The following ANXA6 variants were observed in gnomAD, a reference collection of about 807,000 sequenced individuals.
ANXA6 encodes the protein 67 kDa calelectrin.
In ANXA6, 71 loss-of-function variants were observed where a neutral mutation model predicts 95.4. That is an observed-to-expected ratio of 0.74 (90% CI 0.61 to 0.91). ANXA6 has a LOEUF of 0.91. Ranked by LOEUF, ANXA6 falls within the 40% of genes least tolerant of loss-of-function variation. The probability of loss-of-function intolerance (pLI) is 0.00; values close to 1 mark genes in which losing one functional copy is unlikely to be tolerated. For synonymous variants in ANXA6, 289 were observed against 315.9 expected, an observed-to-expected ratio of 0.91 and a Z score of 0.90; for missense variants, 830 against 876.4, an observed-to-expected ratio of 0.95 and a Z score of 0.67.
At chr5:151,112,385 T>C (rs891653122) in intron 20 of ANXA6, among the ~76,000 whole-genome samples, 2 of 152,216 alleles carry the variant, frequency 1.3e-5, no homozygotes, top group South Asian at 4.1e-4. Context: ...AGAGGGACTA[T>C]GAGGGAAAGC....
intron 2 of ANXA6, among the ~76,000 whole-genome samples, chr5:151,144,265 G>A (rs884084): frequency 2.4e-4 from 37 of 152,248 alleles, no homozygotes; most frequent in African/African-American, 6.3e-4. Context: ...TCTTTACTAC[G>A]TTGAGCCATG....
At chr5:151,124,502 G>A in intron 14 of ANXA6, 135 bp from the exon 15 acceptor site, 1 of 721,514 alleles carries the variant, frequency 1.4e-6, no homozygotes, top group Non-Finnish European at 2.4e-6. Context: ...AGAGGCAGAG[G>A]TGAAGCCACA....
rs779452192 is a variant in ANXA6 at position 151,140,246 on chromosome 5, G to A, written c.19-3C>T. The A allele has an allele frequency of 8.7e-6, 14 of 1,613,598 alleles. No individual in the cohort carries two copies. The highest frequency in any genetic ancestry group is 1.2e-5 in the Non-Finnish European group (14 of 1,179,724). On this transcript the variant is annotated splice_polypyrimidine_tract_variant and splice_region_variant and intron_variant, in intron 2 of 25. Transcript: ENST00000354546. ...ATGGAGCCCCGGTACTTGGCACCCT[G>A]TGGAGAAAAAAGTAGAGGGTGAGCT...
intron 1 of ANXA6, chr5:151,155,302 G>A (rs908120671): frequency 2.0e-5 from 3 of 152,108 alleles, no homozygotes; most frequent in Non-Finnish European, 4.4e-5. Flanking sequence ...GGAACTTGAG[G>A]CTCAGGTCGC....
chr5:151,117,843 G>A lies in ANXA6; in HGVS notation c.1439-6C>T. On this transcript the variant is annotated splice_polypyrimidine_tract_variant and splice_region_variant and intron_variant, in intron 18 of 25. Transcript: ENST00000354546. Reference sequence around the variant, plus strand: ...CTCCAGGGACTTGTGATAGTCTGAGGCAGAGAAAGGGGGTGTGGGTAGCTG... The same window carrying A: ...CTCCAGGGACTTGTGATAGTCTGAGACAGAGAAAGGGGGTGTGGGTAGCTG... 2 of 1,612,276 alleles carry A rather than the reference G, an allele frequency of 1.2e-6. No homozygotes were observed. The highest frequency in any genetic ancestry group is 8.5e-7 in the Non-Finnish European group (1 of 1,178,516).
At chr5:151,109,120 A>G (rs1261700169) in intron 22 of ANXA6, among the ~76,000 whole-genome samples, 2 of 147,428 alleles carry the variant, frequency 1.4e-5, no homozygotes, top group Non-Finnish European at 1.5e-5. Flanking sequence ...CTGAGGTCAC[A>G]TGGCTGTTAA....
At chr5:151,111,536 C>T (rs1764849539) in intron 20 of ANXA6, among the ~76,000 whole-genome samples, 2 of 152,214 alleles carry the variant, frequency 1.3e-5, no homozygotes, top group East Asian at 3.8e-4. Context: ...ATTTGCCCTA[C>T]AGGTATACTG....
intron 1 of ANXA6, among the ~76,000 whole-genome samples, chr5:151,151,900 C>T (rs966601302): frequency 1.1e-4 from 17 of 152,248 alleles, no homozygotes; most frequent in Non-Finnish European, 2.4e-4. Flanking sequence ...GACGACTTAT[C>T]ATGACTGATC....
chr5:151,117,945 G>T, intron 18 of ANXA6, 108 bp from the exon 19 acceptor site: 2 of 857,196 alleles, frequency 2.3e-6, no homozygotes, highest in Non-Finnish European at 3.8e-6. Context: ...TTGGCAGGGG[G>T]AGGTGGGGAT....
intron 22 of ANXA6, 108 bp downstream of exon 22, chr5:151,109,645 G>C (rs1764792200): frequency 8.4e-6 from 7 of 828,476 alleles, no homozygotes; most frequent in Middle Eastern, 3.5e-4. Flanking sequence ...CTGGGTTAAG[G>C]AGGAGGTGGG....
At chr5:151,119,485 T>A in intron 17 of ANXA6, 95 bp from the exon 18 acceptor site, 3 of 1,047,932 alleles carry the variant, frequency 2.9e-6, no homozygotes, top group Non-Finnish European at 4.4e-6. Flanking sequence ...GGCCAAGCAT[T>A]CCTGGATTTT....
chr5:151,148,752 G>A (rs528029074), intron 1 of ANXA6, among the ~76,000 whole-genome samples: 42 of 152,176 alleles, frequency 2.8e-4, no homozygotes, highest in Non-Finnish European at 5.9e-4. Flanking sequence ...TCTCACGAGT[G>A]TGACTGGGGC....
intron 18 of ANXA6, among the ~76,000 whole-genome samples, chr5:151,118,952 A>G (rs1765084924): frequency 6.6e-6 from 1 of 152,216 alleles, no homozygotes; most frequent in Admixed American, 6.5e-5. Context: ...ATTTCTGGAC[A>G]GTGACAGCAT....
At chr5:151,148,264 A>T (rs947221336) in intron 1 of ANXA6, among the ~76,000 whole-genome samples, 6 of 152,176 alleles carry the variant, frequency 3.9e-5, no homozygotes, top group Non-Finnish European at 8.8e-5. Flanking sequence ...ATCCTTCCAC[A>T]CATCAGATTC....
Position 151,137,235 on chromosome 5 carries a change from TTTG to T in ANXA6, c.402_404del (p.Tyr134_Lys135delinsTer). On this transcript the variant is annotated stop_gained and inframe_deletion, in exon 6 of 26. Coordinates refer to ENST00000354546, the MANE Select transcript of ANXA6 (RefSeq NM_001155.5). LOFTEE classifies it high-confidence loss of function. Reference sequence around the variant, plus strand: ...GGCCCCTCCTGCCCATCTCACCATCTTTGTATGCTGCCACCAGCTGGTGCATCT... The same window carrying T: ...GGCCCCTCCTGCCCATCTCACCATCTTATGCTGCCACCAGCTGGTGCATCT... 1.2e-6 allele frequency: 2 copies of T among 1,613,554 alleles called. No individual in the cohort carries two copies. Among genetic ancestry groups the T allele is most frequent in the Non-Finnish European group, 8.5e-7 (1 of 1,179,672 alleles).
intron 4 of ANXA6, 34 bp downstream of exon 4, chr5:151,139,319 C>T (rs778766512): frequency 7.5e-6 from 11 of 1,466,526 alleles, no homozygotes; most frequent in African/African-American, 4.2e-5. Context: ...TTCTTCCACC[C>T]GCACCCCATG....
At chr5:151,139,899 C>T (rs75311081) in intron 3 of ANXA6, among the ~76,000 whole-genome samples, 2 of 152,208 alleles carry the variant, frequency 1.3e-5, no homozygotes, top group Non-Finnish European at 2.9e-5. Context: ...ACCAAGGAAA[C>T]TTCAACTATG....
At position 151,129,477 on chromosome 5, in the gene ANXA6, T is replaced by A. The variant is rs1765429893; in HGVS notation, c.848A>T (p.Glu283Val). The A allele has an allele frequency of 6.2e-7, 1 of 1,612,556 alleles. No individual in the cohort carries two copies. The highest frequency in any genetic ancestry group is 1.3e-5 in the African/African-American group (1 of 74,886). The change falls in exon 12 of 26, where the codon GAG becomes GTG. Residue 283 changes from glutamate to valine, a missense_variant. Transcript: ENST00000354546. ...CTCCCGAATGTCGAGCATGTCCAAC[T>A]CACTACGGGAGACCATGATGCGGAT... The part of the protein sequence containing the change: ...TLIRIMVSRS[E>V]LDMLDIREIF...
At chr5:151,149,851 G>T (rs1294233136) in intron 1 of ANXA6, among the ~76,000 whole-genome samples, 3 of 152,100 alleles carry the variant, frequency 2.0e-5, no homozygotes, top group Non-Finnish European at 4.4e-5. Context: ...AGGAGCAGTG[G>T]CTCATGCCTG....
Sources: gnomAD v4.1 joint callset for allele counts (sites outside exome capture counted in the v4.1 genomes callset) on GRCh38, gnomAD v4.1.1 for gene constraint, MANE v1.5 for transcripts, NCBI Gene and HGNC (gene_info 2026-07-23, HGNC 2026-07-21) for gene names.